Variants in RABGAP1L observed in about 807,000 individuals in gnomAD.
RABGAP1L encodes rab GTPase-activating protein 1-like.
In RABGAP1L, 63 loss-of-function variants were observed where a neutral mutation model predicts 137.7. That is an observed-to-expected ratio of 0.46 (90% CI 0.37 to 0.56). The LOEUF (loss-of-function observed/expected upper bound fraction) is 0.56. Ranked by LOEUF, RABGAP1L falls within the 20% of genes least tolerant of loss-of-function variation. The pLI is 0.00. For missense variants in RABGAP1L, 1,095 were observed against 1,244.0 expected (o/e 0.88, Z 1.80); for synonymous variants, 431 against 433.7 (o/e 0.99, Z 0.08).
intron 18 of RABGAP1L, among the ~76,000 whole-genome samples, chr1:174,797,074 G>A (rs562634092): frequency 5.3e-5 from 8 of 151,682 alleles, no homozygotes; most frequent in African/African-American, 1.9e-4. Flanking sequence ...ACTTCTTTTT[G>A]TGAGCATCAG....
intron 13 of RABGAP1L, among the ~76,000 whole-genome samples, chr1:174,618,988 C>T (rs1214934502): frequency 2.0e-5 from 3 of 152,022 alleles, no homozygotes; most frequent in Admixed American, 1.3e-4. Context: ...AACTACGTGA[C>T]GAATGCACAA....
intron 1 of RABGAP1L, among the ~76,000 whole-genome samples, chr1:174,162,511 A>G (rs1047495194): frequency 2.0e-5 from 3 of 152,080 alleles, no homozygotes; most frequent in Non-Finnish European, 4.4e-5. Flanking sequence ...AAGGTGTAGA[A>G]GTGGGCCTGC....
At chr1:174,736,996 A>G (rs888931463) in intron 17 of RABGAP1L, among the ~76,000 whole-genome samples, 1 of 152,108 alleles carries the variant, frequency 6.6e-6, no homozygotes, top group Non-Finnish European at 1.5e-5. Context: ...AGATCTCTGA[A>G]ATACCTTCAA....
At chr1:174,621,528 A>G (rs1480998017) in intron 13 of RABGAP1L, among the ~76,000 whole-genome samples, 2 of 152,262 alleles carry the variant, frequency 1.3e-5, no homozygotes, top group South Asian at 2.1e-4. Context: ...GGAACAGAAC[A>G]GAGCCCTCAG....
intron 12 of RABGAP1L, among the ~76,000 whole-genome samples, chr1:174,374,535 G>C (rs962341332): frequency 6.8e-6 from 1 of 146,454 alleles, no homozygotes. Flanking sequence ...TCAATATATA[G>C]GTATTGTAGA....
rs533970833 is a variant in RABGAP1L at position 174,548,230 on chromosome 1, T to C, written c.1711-89145T>C. 28 of 1,415,756 alleles carry C rather than the reference T, an allele frequency of 2.0e-5. No homozygotes were observed. In the South Asian group the frequency reaches 3.7e-4, roughly 19 times the overall value. 87.7% of individuals were successfully genotyped at this position (1,415,756 alleles called of 1,614,324 possible). ...TTAAGAGAAAGCATAATCTACAGAA[T>C]TGAAGCCAAGTAATCTAAGATTCTG... On this transcript the variant is annotated intron_variant, in intron 13 of 25. Coordinates refer to ENST00000681986, the MANE Select transcript of RABGAP1L (RefSeq NM_001366446.1).
chr1:174,979,421 C>T lies in RABGAP1L; in HGVS notation c.2733+531C>T, dbSNP rs79194303. ...ACCAAAACAATCTATTGGTTGTTTA[C>T]AGTGTTGGGTAGATTTAGAGGAATA... On this transcript the variant is annotated intron_variant, in intron 23 of 25. Transcript: ENST00000681986. 3.1e-3 allele frequency among the ~76,000 whole-genome samples: 475 copies of T among 152,236 alleles called. 16 individuals carry two copies. In the East Asian group the frequency reaches 0.086, roughly 28 times the overall value.
intron 12 of RABGAP1L, among the ~76,000 whole-genome samples, chr1:174,387,201 CTTT>C (rs1241552037): frequency 6.6e-6 from 1 of 152,132 alleles, no homozygotes; most frequent in Non-Finnish European, 1.5e-5. Context: ...TTCTTGACCA[CTTT>C]TTTTCCTGTA....
chr1:174,683,816 G>A (rs563353049), intron 15 of RABGAP1L, among the ~76,000 whole-genome samples: 1 of 152,236 alleles, frequency 6.6e-6, no homozygotes, highest in Non-Finnish European at 1.5e-5. Flanking sequence ...AGGATAAATT[G>A]CTTATTTGGA....
At chr1:174,179,884 T>C (rs1666213486) in intron 1 of RABGAP1L, among the ~76,000 whole-genome samples, 1 of 152,248 alleles carries the variant, frequency 6.6e-6, no homozygotes. Flanking sequence ...TTTCATCTTA[T>C]GTATGCATTT....
intron 1 of RABGAP1L, among the ~76,000 whole-genome samples, chr1:174,206,419 T>C (rs1302890647): frequency 6.6e-6 from 1 of 152,168 alleles, no homozygotes; most frequent in Admixed American, 6.5e-5. Context: ...GCTCAGTTTT[T>C]CAAAGCACAG....
intron 14 of RABGAP1L, among the ~76,000 whole-genome samples, chr1:174,653,376 A>G (rs1456241606): frequency 6.6e-6 from 1 of 152,072 alleles, no homozygotes; most frequent in Non-Finnish European, 1.5e-5. Context: ...GTCTGCTCAA[A>G]TGGCCACCCA....
intron 17 of RABGAP1L, among the ~76,000 whole-genome samples, chr1:174,745,727 T>C (rs1683815694): frequency 6.6e-6 from 1 of 152,188 alleles, no homozygotes; most frequent in East Asian, 1.9e-4. Flanking sequence ...CTAATAATAA[T>C]AATTGCTAGT....
intron 19 of RABGAP1L, among the ~76,000 whole-genome samples, chr1:174,900,922 G>T (rs147624440): frequency 2.2e-4 from 33 of 151,784 alleles, no homozygotes; most frequent in Middle Eastern, 6.8e-3. Context: ...ATCTCTTTCA[G>T]GTACCCCAGT....
intron 13 of RABGAP1L, among the ~76,000 whole-genome samples, chr1:174,487,620 A>C (rs910922736): frequency 1.3e-5 from 2 of 152,130 alleles, no homozygotes; most frequent in Admixed American, 1.3e-4. Flanking sequence ...GTTCATTTAC[A>C]TTCAATGTTA....
chr1:174,636,387 G>T (rs773507598), intron 13 of RABGAP1L, among the ~76,000 whole-genome samples: 4 of 152,050 alleles, frequency 2.6e-5, no homozygotes, highest in Non-Finnish European at 5.9e-5. Flanking sequence ...AAATAGCTGG[G>T]CGTGGTGGCG....
intron 13 of RABGAP1L, among the ~76,000 whole-genome samples, chr1:174,395,830 C>G (rs1647771820): frequency 7.8e-6 from 1 of 128,574 alleles, no homozygotes; most frequent in African/African-American, 3.3e-5. Flanking sequence ...ATAGCAAGAC[C>G]CTGTCTCTAA....
At chr1:174,181,313 A>G (rs1402724774) in intron 1 of RABGAP1L, among the ~76,000 whole-genome samples, 1 of 147,658 alleles carries the variant, frequency 6.8e-6, no homozygotes, top group African/African-American at 2.5e-5. Flanking sequence ...GCTACTAATC[A>G]TTTTATACAA....
At chr1:174,644,947 T>C (rs1473894689) in intron 14 of RABGAP1L, among the ~76,000 whole-genome samples, 3 of 152,172 alleles carry the variant, frequency 2.0e-5, no homozygotes, top group Admixed American at 6.5e-5. Flanking sequence ...CTACGCACTA[T>C]ACCCACAGTG....
Sources: gnomAD v4.1 joint callset for allele counts (sites outside exome capture counted in the v4.1 genomes callset) on GRCh38, gnomAD v4.1.1 for gene constraint, MANE v1.5 for transcripts, NCBI Gene and HGNC (gene_info 2026-07-23, HGNC 2026-07-21) for gene names.